The following CSMD1 variants were observed in gnomAD, a reference collection of about 807,000 sequenced individuals.
CSMD1 encodes CUB and Sushi multiple domains 1.
CSMD1 carries 213 observed loss-of-function variants against 417.5 expected under a neutral mutation model. The observed-to-expected ratio is 0.51, with a 90% CI of 0.46 to 0.57. CSMD1 has a LOEUF of 0.57. Ranked by LOEUF, CSMD1 falls within the 20% of genes least tolerant of loss-of-function variation. CSMD1 has a pLI of 0.00. For synonymous variants in CSMD1, 2,862 were observed against 1,736.8 expected (o/e 1.65, Z -16.11); for missense variants, 6,923 against 4,529.7 (o/e 1.53, Z -15.17).
chr8:3,175,513 TTTCCTTCC>T (rs547666803), intron 37 of CSMD1, among the ~76,000 whole-genome samples: 1 of 53,834 alleles, frequency 1.9e-5, no homozygotes, highest in African/African-American at 5.1e-5. Flanking sequence ...GCCTGCCTTT[TTTCCTTCC>T]TTCCTTCCTT....
At chr8:3,114,452 T>C (rs936819913) in intron 42 of CSMD1, among the ~76,000 whole-genome samples, 2 of 149,524 alleles carry the variant, frequency 1.3e-5, no homozygotes, top group African/African-American at 4.9e-5. Flanking sequence ...TGTTATAATA[T>C]ATATATTAAT....
intron 8 of CSMD1, among the ~76,000 whole-genome samples, chr8:3,594,703 C>T (rs775846593): frequency 2.0e-5 from 3 of 152,144 alleles, no homozygotes; most frequent in African/African-American, 4.8e-5. Flanking sequence ...CTTTATTGCT[C>T]CATCTCAGGT....
In CSMD1 at chr8:4,213,101, C is replaced by A. The variant is rs143231566; in HGVS notation, c.416-181002G>T. Among the ~76,000 whole-genome samples the A allele has an allele frequency of 2.0e-5, 3 of 152,196 alleles. No homozygotes were observed. In the East Asian group the frequency reaches 5.8e-4, roughly 29 times the overall value. On this transcript the variant is annotated intron_variant, in intron 3 of 69. Coordinates refer to ENST00000635120, the MANE Select transcript of CSMD1 (RefSeq NM_033225.6). The stretch of plus-strand genomic sequence containing the variant: ...AAGATGGAAGAATATAGATGCTTCA[C>A]CCAGTGGAGCATGCTTAGACTCAAA...
chr8:3,118,661 A>ATCTCAAGCAG, intron 41 of CSMD1, 74 bp from the exon 42 acceptor site: 3 of 1,345,922 alleles, frequency 2.2e-6, no homozygotes, highest in Non-Finnish European at 2.1e-6. Flanking sequence ...CAGGAGTGTC[A>ATCTCAAGCAG]TCACATGTGA....
intron 3 of CSMD1, among the ~76,000 whole-genome samples, chr8:4,129,048 CGTGGT>C (rs1802933278): frequency 3.2e-5 from 4 of 125,488 alleles, no homozygotes; most frequent in African/African-American, 1.2e-4. Flanking sequence ...TGCACTCCAG[CGTGGT>C]TACAGAGTGA....
intron 1 of CSMD1, among the ~76,000 whole-genome samples, chr8:4,951,037 C>T (rs773471973): frequency 1.3e-5 from 2 of 151,926 alleles, no homozygotes; most frequent in African/African-American, 4.8e-5. Flanking sequence ...CATAATTTAA[C>T]CCCCAAGAAG....
intron 23 of CSMD1, among the ~76,000 whole-genome samples, chr8:3,325,295 CT>C (rs1432291343): frequency 6.6e-6 from 1 of 152,178 alleles, no homozygotes; most frequent in Non-Finnish European, 1.5e-5. Context: ...TTTATTACCC[CT>C]AGAGAAGAAT....
intron 3 of CSMD1, among the ~76,000 whole-genome samples, chr8:4,378,563 C>T (rs1280964948): frequency 6.6e-6 from 1 of 152,190 alleles, no homozygotes. Flanking sequence ...TTTAGCTTTG[C>T]ACTGGTCTTC....
intron 10 of CSMD1, among the ~76,000 whole-genome samples, chr8:3,556,460 T>C (rs1455454041): frequency 6.9e-6 from 1 of 144,338 alleles, no homozygotes; most frequent in Non-Finnish European, 1.5e-5. Flanking sequence ...GTTGAGATAA[T>C]TTGTTCAGTC....
intron 12 of CSMD1, among the ~76,000 whole-genome samples, chr8:3,445,658 A>G (rs1815257181): frequency 6.6e-6 from 1 of 152,206 alleles, no homozygotes; most frequent in African/African-American, 2.4e-5. Context: ...TAACCAAGGT[A>G]GAAATACGTC....
At chr8:3,923,022 T>C (rs191956542) in intron 5 of CSMD1, among the ~76,000 whole-genome samples, 14 of 152,322 alleles carry the variant, frequency 9.2e-5, no homozygotes, top group African/African-American at 3.4e-4. Context: ...TGTTAGTTAT[T>C]GAAAAACAAC....
At chr8:4,238,254 G>A (rs923703511) in intron 3 of CSMD1, among the ~76,000 whole-genome samples, 2 of 152,160 alleles carry the variant, frequency 1.3e-5, no homozygotes, top group East Asian at 3.9e-4. Context: ...CAGACCCTGT[G>A]ATTCTTTCAC....
At chr8:3,246,905 CT>C (rs935366198) in intron 26 of CSMD1, among the ~76,000 whole-genome samples, 2 of 152,172 alleles carry the variant, frequency 1.3e-5, no homozygotes, top group Admixed American at 6.5e-5. Context: ...TTCTTTCTCT[CT>C]TTTTTTGCTG....
At chr8:4,171,734 T>A (rs552173677) in intron 3 of CSMD1, among the ~76,000 whole-genome samples, 1 of 149,854 alleles carries the variant, frequency 6.7e-6, no homozygotes, top group Non-Finnish European at 1.5e-5. Flanking sequence ...CTTCTGAAAT[T>A]TTCATCTTTT....
chr8:3,261,607 C>T (rs544810078), intron 26 of CSMD1, among the ~76,000 whole-genome samples: 5 of 152,130 alleles, frequency 3.3e-5, no homozygotes, highest in African/African-American at 1.2e-4. Flanking sequence ...AGGTGTCCTT[C>T]GGCGGTGAGT....
chr8:4,880,124 C>T (rs1005250692), intron 1 of CSMD1, among the ~76,000 whole-genome samples: 2 of 152,046 alleles, frequency 1.3e-5, no homozygotes, highest in African/African-American at 4.8e-5. Flanking sequence ...AGAAACTCTG[C>T]CACTTTCTGC....
At chr8:4,909,242 C>T (rs1216713498) in intron 1 of CSMD1, among the ~76,000 whole-genome samples, 1 of 152,170 alleles carries the variant, frequency 6.6e-6, no homozygotes, top group Non-Finnish European at 1.5e-5. Flanking sequence ...GTTTTATAAC[C>T]TTCCTACTAG....
intron 50 of CSMD1, among the ~76,000 whole-genome samples, chr8:3,035,770 C>CA (rs1169954735): frequency 6.6e-6 from 1 of 152,100 alleles, no homozygotes; most frequent in African/African-American, 2.4e-5. Context: ...TAAATGTTTT[C>CA]AAAAACATAA....
chr8:4,234,960 G>A (rs1801958330), intron 3 of CSMD1, among the ~76,000 whole-genome samples: 1 of 152,142 alleles, frequency 6.6e-6, no homozygotes, highest in Non-Finnish European at 1.5e-5. Flanking sequence ...AGGGCGGGGT[G>A]TTCATGACCT....
Sources: gnomAD v4.1 joint callset for allele counts (sites outside exome capture counted in the v4.1 genomes callset) on GRCh38, gnomAD v4.1.1 for gene constraint, MANE v1.5 for transcripts, NCBI Gene and HGNC (gene_info 2026-07-23, HGNC 2026-07-21) for gene names.